VWA2: variants seen among roughly 807,000 people sequenced by gnomAD.
VWA2 encodes the protein von Willebrand factor A domain containing 2, also known as von Willebrand factor A domain-containing protein 2.
VWA2 carries 73 observed loss-of-function variants against 70.4 expected under a neutral mutation model. The ratio of observed to expected loss-of-function variants is 1.04; its 90% CI spans 0.86 to 1.26. The LOEUF (loss-of-function observed/expected upper bound fraction) is 1.26. VWA2 is among the 50% of genes most tolerant of loss of function. The pLI is 0.00. For missense variants in VWA2, 1,011 were observed against 998.5 expected (o/e 1.01, Z -0.17); for synonymous variants, 407 against 423.3 (o/e 0.96, Z 0.47).
At chr10:114,255,225 TTTTC>T (rs1015685288) in intron 4 of VWA2, among the ~76,000 whole-genome samples, 177 bp downstream of exon 4, 19 of 151,788 alleles carry the variant, frequency 1.3e-4, no homozygotes, top group Non-Finnish European at 7.4e-5. Context: ...TAAGGCATCT[TTTTC>T]TTTTTTTTTT....
chr10:114,273,075 G>T, intron 6 of VWA2, 141 bp downstream of exon 6: 1 of 643,780 alleles, frequency 1.6e-6, no homozygotes, highest in Non-Finnish European at 2.5e-6. Flanking sequence ...TTGCCATTTT[G>T]ACTCCAGTGC....
intron 13 of VWA2, among the ~76,000 whole-genome samples, chr10:114,290,819 G>A (rs2039518193): frequency 6.6e-6 from 1 of 152,196 alleles, no homozygotes; most frequent in African/African-American, 2.4e-5. Context: ...AGTAAAATGG[G>A]AGGAACAGCT....
intron 5 of VWA2, among the ~76,000 whole-genome samples, chr10:114,263,028 G>C (rs1218493138): frequency 6.6e-6 from 1 of 152,146 alleles, no homozygotes. Flanking sequence ...TATGCGCTTT[G>C]TTTTTGAAGC....
chr10:114,261,610 T>A (rs1483627161), intron 5 of VWA2, among the ~76,000 whole-genome samples: 1 of 152,208 alleles, frequency 6.6e-6, no homozygotes. Context: ...GGAGGAACAC[T>A]GAGTCTTAAT....
chr10:114,262,970 T>C (rs2037478222), intron 5 of VWA2, among the ~76,000 whole-genome samples: 1 of 152,146 alleles, frequency 6.6e-6, no homozygotes, highest in Non-Finnish European at 1.5e-5. Flanking sequence ...TGCAGGGGCT[T>C]CCTCCCAGAT....
chr10:114,287,324 G>A (rs1249013530), intron 11 of VWA2, among the ~76,000 whole-genome samples: 3 of 152,120 alleles, frequency 2.0e-5, no homozygotes, highest in South Asian at 2.1e-4. Flanking sequence ...AGGACTACAG[G>A]TGCACACCAC....
In VWA2 at chr10:114,273,171, CTGAAATTTATT is replaced by C. The variant is rs1487873168; in HGVS notation, c.566+240_566+250del. Among the ~76,000 whole-genome samples, 4 of 152,316 alleles carry C rather than the reference CTGAAATTTATT, an allele frequency of 2.6e-5. No homozygotes were observed. In the South Asian group the frequency reaches 6.2e-4, roughly 24 times the overall value. ...TCAGTTGCAAGTGCCAGAAACTCTG[CTGAAATTTATT>C]TGGGCAAAAATGGAAATTCATGGAG... On this transcript the variant is annotated intron_variant, in intron 6 of 13. Transcript: ENST00000392982.
rs1039000655 is a variant in VWA2 at position 114,292,296 on chromosome 10, T to C, written c.*1059T>C. On this transcript the variant is annotated 3_prime_UTR_variant, in exon 14 of 14. Coordinates refer to ENST00000392982, the MANE Select transcript of VWA2 (RefSeq NM_001272046.2). ...CTGTCTCAAAAAGAAAAAAATGTAC[T>C]TAGGAGGGGTTAATTGTGGCGTGTT... 1.3e-5 allele frequency among the ~76,000 whole-genome samples: 2 copies of C among 151,708 alleles called. No individual in the cohort carries two copies. Among genetic ancestry groups the C allele is most frequent in the African/African-American group, 4.8e-5 (2 of 41,316 alleles).
intron 1 of VWA2, among the ~76,000 whole-genome samples, chr10:114,241,381 C>A (rs1351825202): frequency 6.6e-6 from 1 of 152,194 alleles, no homozygotes; most frequent in East Asian, 1.9e-4. Flanking sequence ...CTCCCTACAA[C>A]ACATGGTAAT....
At position 114,291,179 on chromosome 10, in the gene VWA2, G is replaced by A. The variant is rs1487052237; in HGVS notation, c.2249-39G>A. On this transcript the variant is annotated intron_variant, in intron 13 of 13. Coordinates refer to ENST00000392982, the MANE Select transcript of VWA2 (RefSeq NM_001272046.2). ...GCTGCTGGAGGGCTGAGAAGGGGAT[G>A]CAGACACTCCTGTCCTCAGACTTCA... The A allele has an allele frequency of 1.9e-6, 3 of 1,550,294 alleles. No homozygotes were observed. In the East Asian group the frequency reaches 7.3e-5, roughly 38 times the overall value.
At chr10:114,255,239 T>C (rs2037300435) in intron 4 of VWA2, among the ~76,000 whole-genome samples, 191 bp downstream of exon 4, 1 of 151,918 alleles carries the variant, frequency 6.6e-6, no homozygotes, top group Non-Finnish European at 1.5e-5. Flanking sequence ...CTTTTTTTTT[T>C]TTTCCCTTCT....
intron 1 of VWA2, chr10:114,246,100 G>A: frequency 1.4e-6 from 1 of 731,516 alleles, no homozygotes; most frequent in South Asian, 1.4e-5. Flanking sequence ...GAGGTCAGAT[G>A]CATGGTGAGA....
In VWA2 at chr10:114,293,305, C is replaced by G. The variant is rs1281868754; in HGVS notation, c.*2068C>G. Among the ~76,000 whole-genome samples the G allele has an allele frequency of 6.6e-6, 1 of 152,182 alleles. No individual in the cohort carries two copies. Among genetic ancestry groups the G allele is most frequent in the East Asian group, 1.9e-4 (1 of 5,194 alleles). ...TGATGTCATAGAAATTACATGAATG[C>G]ATTGTCTTTAAATAGCAGTTTAACC... On this transcript the variant is annotated 3_prime_UTR_variant, in exon 14 of 14. Transcript: ENST00000392982.
Position 114,261,190 on chromosome 10 carries a change from G to A in VWA2, c.266G>A (p.Arg89Lys). 1 of 1,612,862 alleles carries A rather than the reference G, an allele frequency of 6.2e-7. No individual in the cohort carries two copies. The highest frequency in any genetic ancestry group is 8.5e-7 in the Non-Finnish European group (1 of 1,178,924). Reference protein sequence around the residue: ...DGLDISPERVRVGAFQFSSTP... With the variant: ...DGLDISPERVKVGAFQFSSTP... ...GCCCCCTGTCTCCTACTGCAGGTCAGAGTGGGAGCATTCCAGTTCAGTTCC... is the reference window on the plus strand; with the variant it reads ...GCCCCCTGTCTCCTACTGCAGGTCAAAGTGGGAGCATTCCAGTTCAGTTCC... Residue 89 changes from arginine (R) to lysine (K), a missense_variant, in exon 5 of 14, where the codon AGA becomes AAA. By Grantham distance (26) the Arg-to-Lys change is conservative (BLOSUM62 2). Coordinates refer to ENST00000392982, the MANE Select transcript of VWA2 (RefSeq NM_001272046.2).
intron 1 of VWA2, among the ~76,000 whole-genome samples, chr10:114,248,019 A>G (rs2037109895): frequency 6.6e-6 from 1 of 151,826 alleles, no homozygotes; most frequent in Non-Finnish European, 1.5e-5. Context: ...AGGCACAAAA[A>G]TCACTTGAAC....
rs768758802 is a variant in VWA2 at position 114,242,440 on chromosome 10, C to T, written c.-11+2871C>T. On this transcript the variant is annotated intron_variant, in intron 1 of 13. Coordinates refer to ENST00000392982, the MANE Select transcript of VWA2 (RefSeq NM_001272046.2). The stretch of plus-strand genomic sequence containing the variant: ...CATAGTACCAGGTGCATCTGCATGC[C>T]GATGCCTCTGTGTACCACGTGCCTC... 5.9e-5 allele frequency among the ~76,000 whole-genome samples: 9 copies of T among 152,126 alleles called. No homozygotes were observed. In the East Asian group the frequency reaches 1.2e-3, roughly 20 times the overall value.
intron 5 of VWA2, among the ~76,000 whole-genome samples, chr10:114,265,989 A>C (rs1235722185): frequency 2.0e-5 from 3 of 152,086 alleles, no homozygotes; most frequent in Non-Finnish European, 4.4e-5. Flanking sequence ...TCTACAGTGA[A>C]GTTTTCTTTT....
In VWA2 at chr10:114,248,881, C is replaced by T. The variant is rs540425551; in HGVS notation, c.52+116C>T. 127 of 961,224 alleles carry T rather than the reference C, an allele frequency of 1.3e-4. No individual in the cohort carries two copies. The African/African-American group carries it at 1.8e-3, about 14-fold the overall frequency. 59.5% of individuals were successfully genotyped at this position (961,224 alleles called of 1,614,324 possible). A position where few individuals can be genotyped will look rare whatever the true frequency, so the allele number is the denominator to read the frequency against. On this transcript the variant is annotated intron_variant, in intron 2 of 13. Transcript: ENST00000392982. ...GTCTCTTGAATCCACCTGCATCTCC[C>T]CTCCATGGCCACCTCCCTAGTCCAA...
chr10:114,282,017 C>CTTTTT (rs144974085), intron 8 of VWA2, among the ~76,000 whole-genome samples: 4 of 119,660 alleles, frequency 3.3e-5, no homozygotes, highest in East Asian at 2.7e-4. Context: ...CTTATGTTAC[C>CTTTTT]TTTTTTTTTT....
Sources: allele counts gnomAD v4.1 joint callset (sites outside exome capture counted in the v4.1 genomes callset), GRCh38; gene constraint gnomAD v4.1.1; transcripts MANE v1.5; gene names NCBI Gene and HGNC (gene_info 2026-07-23, HGNC 2026-07-21).